YEATS4: variants seen among roughly 807,000 people sequenced by gnomAD.
YEATS4 encodes the protein YEATS domain-containing protein 4.
A neutral mutation model predicts 30.1 loss-of-function variants in YEATS4; 17 were observed. The ratio of observed to expected loss-of-function variants is 0.56; its 90% CI spans 0.39 to 0.85. YEATS4 has a LOEUF of 0.85. Among genes scored for constraint, YEATS4 ranks in the 40% least tolerant of loss-of-function variants. The pLI, the probability that YEATS4 is intolerant of heterozygous loss-of-function variation, is 0.00. For synonymous variants in YEATS4, 85 were observed against 87.5 expected (o/e 0.97, Z 0.16); for missense variants, 142 against 268.3 (o/e 0.53, Z 3.29).
At chr12:69,374,296 C>T (rs1032006940) in intron 6 of YEATS4, among the ~76,000 whole-genome samples, 2 of 151,952 alleles carry the variant, frequency 1.3e-5, no homozygotes, top group South Asian at 2.1e-4. Flanking sequence ...TGTTCTCTTC[C>T]GTTTCTTTCA....
At chr12:69,397,904 T>C in the YEATS4 span, among the ~76,000 whole-genome samples, 1 of 152,204 alleles carries the variant, frequency 6.6e-6, no homozygotes, top group African/African-American at 2.4e-5. Context: ...TACCTGTATG[T>C]GGTAGTTTGT....
chr12:69,407,141 T>C, the YEATS4 span, among the ~76,000 whole-genome samples: 4 of 105,898 alleles, frequency 3.8e-5, no homozygotes, highest in East Asian at 2.1e-3. Flanking sequence ...TTATACATTC[T>C]TTTTTTTTTT....
intron 6 of YEATS4, among the ~76,000 whole-genome samples, chr12:69,379,086 G>A (rs1464313506): frequency 3.9e-5 from 6 of 152,084 alleles, no homozygotes; most frequent in Admixed American, 3.9e-4. Flanking sequence ...ACTTTCTACT[G>A]GCCTATAAAG....
intron 6 of YEATS4, among the ~76,000 whole-genome samples, chr12:69,387,009 C>A (rs1407874424): frequency 6.6e-6 from 1 of 152,008 alleles, no homozygotes; most frequent in Non-Finnish European, 1.5e-5. Context: ...CCCCACCCCC[C>A]AAAAAAATCT....
At chr12:69,387,320 T>G (rs753869044) in intron 6 of YEATS4, among the ~76,000 whole-genome samples, 54 of 152,180 alleles carry the variant, frequency 3.5e-4, no homozygotes, top group Non-Finnish European at 7.2e-4. Flanking sequence ...GACCAAAAAG[T>G]TGATGCAGTA....
At chr12:69,374,642 G>C (rs374650830) in intron 6 of YEATS4, among the ~76,000 whole-genome samples, 9 of 139,760 alleles carry the variant, frequency 6.4e-5, no homozygotes, top group Middle Eastern at 3.3e-3. Flanking sequence ...CACATCTTGC[G>C]CCGCCCTTAA....
intron 1 of YEATS4, 22 bp from the exon 2 acceptor site, chr12:69,362,766 T>G (rs749626239): frequency 1.3e-6 from 2 of 1,565,808 alleles, no homozygotes; most frequent in Non-Finnish European, 1.7e-6. Flanking sequence ...ATTCATTTAT[T>G]TTAAAATTAT....
At chr12:69,386,977 G>A (rs1203594982) in intron 6 of YEATS4, among the ~76,000 whole-genome samples, 1 of 152,090 alleles carries the variant, frequency 6.6e-6, no homozygotes, top group Non-Finnish European at 1.5e-5. Flanking sequence ...TAAAAGTTAT[G>A]TAAATGTGTG....
At chr12:69,375,379 C>T (rs1260180606) in intron 6 of YEATS4, among the ~76,000 whole-genome samples, 3 of 148,726 alleles carry the variant, frequency 2.0e-5, no homozygotes, top group South Asian at 4.3e-4. Context: ...ACTTCCTAGA[C>T]GGGATGACGG....
chr12:69,402,469 A>G, the YEATS4 span, among the ~76,000 whole-genome samples: 7 of 152,158 alleles, frequency 4.6e-5, no homozygotes, highest in Non-Finnish European at 7.3e-5. Flanking sequence ...AGAGCAACCT[A>G]AAGTCCCAGG....
the YEATS4 span, among the ~76,000 whole-genome samples, chr12:69,424,175 C>T: frequency 6.6e-6 from 1 of 152,186 alleles, no homozygotes; most frequent in Admixed American, 6.5e-5. Context: ...CAGCTTTGAA[C>T]TTACCAAGTC....
chr12:69,415,847 C>T, the YEATS4 span, among the ~76,000 whole-genome samples: 1 of 152,084 alleles, frequency 6.6e-6, no homozygotes, highest in Non-Finnish European at 1.5e-5. Context: ...GGCCGACTAG[C>T]GAGGGGATCA....
At chr12:69,362,705 T>C (rs1875267759) in intron 1 of YEATS4, 83 bp from the exon 2 acceptor site, 9 of 1,094,300 alleles carry the variant, frequency 8.2e-6, no homozygotes, top group Non-Finnish European at 1.1e-5. Flanking sequence ...TGCCATTCTT[T>C]AAAGCAAGTT....
chr12:69,364,270 A>G, intron 2 of YEATS4: 1 of 407,618 alleles, frequency 2.5e-6, no homozygotes, highest in South Asian at 1.7e-5. Context: ...CTGGCAACAT[A>G]GTAAGACTCC....
At chr12:69,379,279 C>T (rs867390042) in intron 6 of YEATS4, among the ~76,000 whole-genome samples, 4 of 152,094 alleles carry the variant, frequency 2.6e-5, no homozygotes, top group Non-Finnish European at 4.4e-5. Flanking sequence ...CTATAACCTT[C>T]TTGTACTTGA....
chr12:69,383,913 T>C (rs1685387979), intron 6 of YEATS4, among the ~76,000 whole-genome samples: 1 of 152,066 alleles, frequency 6.6e-6, no homozygotes, highest in Admixed American at 6.5e-5. Flanking sequence ...ACTAGTATAT[T>C]TGTAGGCTGA....
intron 4 of YEATS4, among the ~76,000 whole-genome samples, chr12:69,367,474 C>G (rs970341232): frequency 7.2e-5 from 11 of 152,076 alleles, no homozygotes; most frequent in African/African-American, 2.7e-4. Flanking sequence ...CTCAAACAGT[C>G]CTCTGCCTCA....
chr12:69,364,910 G>A (rs113559737), intron 2 of YEATS4, among the ~76,000 whole-genome samples: 9,024 of 152,094 alleles, frequency 0.059, 393 homozygotes, highest in African/African-American at 0.12. Context: ...GTGAGCCACC[G>A]TGCCCGGCGT....
the YEATS4 span, chr12:69,422,682 T>C: frequency 1.4e-5 from 2 of 143,342 alleles, no homozygotes; most frequent in Non-Finnish European, 3.1e-5. Context: ...AAGAAACTGA[T>C]TGTGCCAAAA....
Sources: gnomAD v4.1 joint callset for allele counts (sites outside exome capture counted in the v4.1 genomes callset) on GRCh38, gnomAD v4.1.1 for gene constraint, MANE v1.5 for transcripts, NCBI Gene and HGNC (gene_info 2026-07-23, HGNC 2026-07-21) for gene names.